ZNF454: variants seen among roughly 807,000 people sequenced by gnomAD.
ZNF454 encodes the protein zinc finger protein 454.
ZNF454 carries 30 observed loss-of-function variants against 48.2 expected under a neutral mutation model. That is an observed-to-expected ratio of 0.62 (90% CI 0.47 to 0.84). ZNF454 has a LOEUF of 0.84. Among genes scored for constraint, ZNF454 ranks in the 40% least tolerant of loss-of-function variants. The pLI is 0.00. For synonymous variants in ZNF454, 204 were observed against 211.4 expected (o/e 0.97, Z 0.30); for missense variants, 510 against 623.1 (o/e 0.82, Z 1.93).
chr5:178,983,348 T>C, the ZNF454 span: 1 of 829,896 alleles, frequency 1.2e-6, no homozygotes. Flanking sequence ...GCTCCACCTC[T>C]TCGTGGTGGC....
rs1760101111 is a variant in ZNF454 at position 178,965,014 on chromosome 5, A to C, written c.610A>C (p.Asn204His). ...NKHQKIHNEK[N>H]ANQKIHIKEK... ...ACATCAGAAAATTCATAATGAAAAAAATGCAAATCAGAAAATTCATATTAA... is the reference window on the plus strand; with the variant it reads ...ACATCAGAAAATTCATAATGAAAAACATGCAAATCAGAAAATTCATATTAA... Residue 204 changes from asparagine (N) to histidine (H), a missense_variant, in exon 5 of 5, where the codon AAT (asparagine) becomes CAT (histidine). Asn to His is a moderately conservative substitution (Grantham distance 68, BLOSUM62 1). Around this residue, in one of 3 missense-constraint regions of ZNF454, gnomAD observed 354 missense variants for 408.9 expected, o/e 0.87. Coordinates refer to ENST00000519564, the MANE Select transcript of ZNF454 (RefSeq NM_001178089.3). This position sits in a 1 kb window ranked among gnomAD's most constrained non-coding sequence, Gnocchi z 5.2. 3 of 1,614,026 alleles carry C rather than the reference A, an allele frequency of 1.9e-6. No individual in the cohort carries two copies. Among genetic ancestry groups the C allele is most frequent in the East Asian group, 4.5e-5 (2 of 44,892 alleles).
chr5:178,945,125 G>A lies in ZNF454; in HGVS notation c.34-1234G>A, dbSNP rs998922043. On this transcript the variant is annotated intron_variant, in intron 2 of 4. Transcript: ENST00000519564. ...CGGGTGTGTGTGCGCGCTTGCATGT[G>A]TGCGTGTGTGTCGTGTGTGTGTTGA... Among the ~76,000 whole-genome samples the A allele has an allele frequency of 6.3e-5, 9 of 142,528 alleles. No individual in the cohort carries two copies. The Admixed American group carries it at 6.5e-4, about 10-fold the overall frequency. 93.5% of individuals were successfully genotyped at this position (142,528 alleles called of 152,430 possible).
At chr5:178,959,373 G>T (rs1759905264) in intron 4 of ZNF454, among the ~76,000 whole-genome samples, 1 of 152,042 alleles carries the variant, frequency 6.6e-6, no homozygotes, top group East Asian at 1.9e-4. Flanking sequence ...CATTCTTTCT[G>T]TCTAATCTTG....
the ZNF454 span, chr5:178,982,945 G>A: frequency 6.2e-7 from 1 of 1,614,164 alleles, no homozygotes; most frequent in Non-Finnish European, 8.5e-7. Flanking sequence ...AAGAAGATGG[G>A]CACGAATGCC....
At chr5:178,986,120 A>G in the ZNF454 span, 1 of 1,611,852 alleles carries the variant, frequency 6.2e-7, no homozygotes, top group South Asian at 1.1e-5. Flanking sequence ...TTGGGAGCCT[A>G]CGGACCCACC....
chr5:178,963,138 A>G (rs527538973), intron 4 of ZNF454, among the ~76,000 whole-genome samples: 3 of 151,952 alleles, frequency 2.0e-5, no homozygotes, highest in South Asian at 4.2e-4. Context: ...TCACCTCTCT[A>G]TATTTTCATT....
chr5:178,969,506 G>A (rs751691843), downstream of ZNF454: 16 of 456,944 alleles, frequency 3.5e-5, no homozygotes, highest in South Asian at 2.5e-4. Context: ...ACAAGATGAA[G>A]GACCACGATT....
chr5:178,943,290 G>T (rs185341446), intron 2 of ZNF454, among the ~76,000 whole-genome samples: 1 of 152,294 alleles, frequency 6.6e-6, no homozygotes, highest in Non-Finnish European at 1.5e-5. Flanking sequence ...ATGGCAGAAG[G>T]TGAAGGGGGA....
At chr5:178,954,535 AT>A (rs1759678319) in intron 4 of ZNF454, among the ~76,000 whole-genome samples, 1 of 152,116 alleles carries the variant, frequency 6.6e-6, no homozygotes. Context: ...TTCTACTGAG[AT>A]TTTAAAAATA....
intron 4 of ZNF454, among the ~76,000 whole-genome samples, chr5:178,957,197 T>C (rs1291163089): frequency 1.3e-5 from 2 of 152,070 alleles, no homozygotes; most frequent in Non-Finnish European, 2.9e-5. Context: ...TTTCTTATTT[T>C]ATTCGTCCTA....
chr5:178,976,459 T>C, the ZNF454 span, among the ~76,000 whole-genome samples: 2 of 151,622 alleles, frequency 1.3e-5, no homozygotes, highest in Non-Finnish European at 1.5e-5. Context: ...AAGCAGTCTG[T>C]GGGGGGCAGT....
At chr5:178,989,204 C>CCGCA in the ZNF454 span, 2 of 298,968 alleles carry the variant, frequency 6.7e-6, no homozygotes, top group Non-Finnish European at 1.0e-5. Context: ...CCGCCTTCCC[C>CCGCA]CTCCCCACCC....
In ZNF454 at chr5:178,965,460, A is replaced by G; in HGVS notation, c.1056A>G (p.Gly352=). The change falls in exon 5 of 5, where the codon GGA becomes GGG. Residue 352 remains glycine, a synonymous_variant. Transcript: ENST00000519564. The surrounding 1 kb of genome is among the most constrained non-coding windows in gnomAD (Gnocchi z 5.2). ...TTCAGCATCAGAGAATTCACACTGG[A>G]GAGAAACCCTTTGAATGTAATGAAT... ...SFLQHQRIHT[G]EKPFECNECG... The G allele has an allele frequency of 6.2e-7, 1 of 1,614,172 alleles. No individual in the cohort carries two copies. Among genetic ancestry groups the G allele is most frequent in the Non-Finnish European group, 8.5e-7 (1 of 1,180,022 alleles).
At chr5:178,973,632 A>T in the ZNF454 span, among the ~76,000 whole-genome samples, 1 of 152,180 alleles carries the variant, frequency 6.6e-6, no homozygotes. Flanking sequence ...TCACAAGGTC[A>T]GGAGATTGAG....
Position 178,944,552 on chromosome 5 carries a change from G to A in ZNF454, c.33+1728G>A, listed in dbSNP as rs777003672. Among the ~76,000 whole-genome samples, 1 of 152,194 alleles carries A rather than the reference G, an allele frequency of 6.6e-6. No individual in the cohort carries two copies. Among genetic ancestry groups the A allele is most frequent in the Non-Finnish European group, 1.5e-5 (1 of 68,032 alleles). The stretch of plus-strand genomic sequence containing the variant: ...GCTTCCATCCAAGTGTTTCTTGACT[G>A]CCTGTCATGGGCCAAGTCTCTGGGT... On this transcript the variant is annotated intron_variant, in intron 2 of 4. Coordinates refer to ENST00000519564, the MANE Select transcript of ZNF454 (RefSeq NM_001178089.3). The surrounding 1 kb of genome is among the most constrained non-coding windows in gnomAD (Gnocchi z 4.1).
intron 4 of ZNF454, among the ~76,000 whole-genome samples, chr5:178,951,482 A>G (rs576067260): frequency 6.6e-6 from 1 of 152,322 alleles, no homozygotes; most frequent in South Asian, 2.1e-4. Flanking sequence ...GGTTTGCCAC[A>G]GACGTCTATA....
chr5:178,959,543 A>T (rs1759911462), intron 4 of ZNF454, among the ~76,000 whole-genome samples: 1 of 152,188 alleles, frequency 6.6e-6, no homozygotes, highest in African/African-American at 2.4e-5. Context: ...TTGGGCTGAA[A>T]GTGTAGACTA....
chr5:178,989,387 A>G, the ZNF454 span: 8 of 1,614,138 alleles, frequency 5.0e-6, no homozygotes, highest in East Asian at 1.6e-4. Context: ...GGATCGAGTC[A>G]TGAAGTACTG....
chr5:178,986,303 C>T, the ZNF454 span: 1 of 1,614,012 alleles, frequency 6.2e-7, no homozygotes, highest in South Asian at 1.1e-5. Context: ...CTGCGGGCGG[C>T]ACAGACCGCG....
Sources: allele counts gnomAD v4.1 joint callset (sites outside exome capture counted in the v4.1 genomes callset), GRCh38; gene constraint gnomAD v4.1.1; regional missense constraint gnomAD v4.1.1; non-coding constraint Gnocchi (gnomAD v3.1); transcripts MANE v1.5; gene names NCBI Gene and HGNC (gene_info 2026-07-23, HGNC 2026-07-21).